HIF1A: variants seen among roughly 807,000 people sequenced by gnomAD.
The protein encoded by HIF1A is hypoxia inducible factor 1 subunit alpha.
In HIF1A, 24 loss-of-function variants were observed where a neutral mutation model predicts 92.7. The ratio of observed to expected loss-of-function variants is 0.26; its 90% CI spans 0.19 to 0.36. HIF1A has a LOEUF of 0.36. Ranked by LOEUF, HIF1A falls within the 10% of genes least tolerant of loss-of-function variation. The probability of loss-of-function intolerance (pLI) is 1.00; values close to 1 mark genes in which losing one functional copy is unlikely to be tolerated. For missense variants in HIF1A, 799 were observed against 998.5 expected (o/e 0.80, Z 2.69); for synonymous variants, 319 against 338.7 (o/e 0.94, Z 0.64).
intron 1 of HIF1A, chr14:61,715,795 T>A (rs1594866173): frequency 3.9e-5 from 6 of 152,072 alleles, no homozygotes; most frequent in Admixed American, 3.9e-4. Flanking sequence ...AGCCCAGGAG[T>A]TCAGGACCAG....
chr14:61,743,067 T>C (rs2044733515), intron 12 of HIF1A, among the ~76,000 whole-genome samples: 4 of 152,088 alleles, frequency 2.6e-5, no homozygotes, highest in Admixed American at 2.6e-4. Context: ...CAAGTCACTT[T>C]AGCAATTTAT....
At chr14:61,740,421 C>T in intron 10 of HIF1A, 84 bp from the exon 11 acceptor site, 1 of 1,023,798 alleles carries the variant, frequency 9.8e-7, no homozygotes, top group South Asian at 1.8e-5. Context: ...TCTGGTTTTT[C>T]TGAGATCTAG....
At position 61,736,930 on chromosome 14, in the gene HIF1A, C is replaced by A; in HGVS notation, c.1070C>A (p.Thr357Lys). ...GACTTGATTTTCTCCCTTCAACAAA[C>A]AGAATGTGTCCTTAAACCGGTTGAA... is the stretch of plus-strand genomic sequence containing the variant. ...QHDLIFSLQQ[T>K]ECVLKPVESS... Residue 357 changes from threonine to lysine, a missense_variant, in exon 9 of 15, where the codon ACA (threonine) becomes AAA (lysine). Thr to Lys is a moderately conservative substitution (Grantham distance 78). Transcript: ENST00000337138. 6.2e-7 allele frequency: 1 copy of A among 1,613,952 alleles called. No individual in the cohort carries two copies. Among genetic ancestry groups the A allele is most frequent in the Non-Finnish European group, 8.5e-7 (1 of 1,179,864 alleles).
intron 9 of HIF1A, 57 bp from the exon 10 acceptor site, chr14:61,738,030 T>TA (rs372062450): frequency 0.029 from 35,533 of 1,219,126 alleles, 59 homozygotes; most frequent in African/African-American, 0.062. Context: ...CTGTCTTGGG[T>TA]AAAAAAAAAA....
At chr14:61,709,811 T>C (rs1293362640) in intron 1 of HIF1A, among the ~76,000 whole-genome samples, 3 of 152,214 alleles carry the variant, frequency 2.0e-5, no homozygotes, top group Non-Finnish European at 4.4e-5. Context: ...GTTCAGTCTA[T>C]ACTTTTCTTT....
intron 6 of HIF1A, among the ~76,000 whole-genome samples, chr14:61,729,318 T>C (rs1041538023): frequency 3.3e-5 from 5 of 151,800 alleles, no homozygotes; most frequent in Non-Finnish European, 1.5e-5. Flanking sequence ...AAAAATTAGC[T>C]GGGTATGGGG....
At position 61,698,003 on chromosome 14, in the gene HIF1A, C is replaced by T. The variant is rs776089827; in HGVS notation, c.35+2164C>T. The T allele has an allele frequency of 7.8e-5, 88 of 1,122,970 alleles. No homozygotes were observed. In the Middle Eastern group the frequency reaches 4.9e-3, roughly 62 times the overall value. 69.6% of individuals were successfully genotyped at this position (1,122,970 alleles called of 1,614,324 possible). A position where few individuals can be genotyped will look rare whatever the true frequency, so the allele number is the denominator to read the frequency against. ...TAACGCAGGACATTTCATGTTGTTC[C>T]TAGTTATAGGGGCTGAACTTATTTA... On this transcript the variant is annotated intron_variant, in intron 1 of 14. Coordinates refer to ENST00000337138, the MANE Select transcript of HIF1A (RefSeq NM_001530.4).
At chr14:61,703,287 TATC>T (rs201131250) in intron 1 of HIF1A, among the ~76,000 whole-genome samples, 3,819 of 152,320 alleles carry the variant, frequency 0.025, 65 homozygotes, top group Non-Finnish European at 0.03. Flanking sequence ...TCTTGAACTT[TATC>T]ATCATTAAAG....
At position 61,744,777 on chromosome 14, in the gene HIF1A, G is replaced by GCTCAGAGAAAGA. The variant is rs2044756811; in HGVS notation, c.2166_2167insCTCAGAGAAAGA (p.Met722_Glu723insLeuArgGluArg). On this transcript the variant is annotated inframe_insertion, in exon 13 of 15. Coordinates refer to ENST00000337138, the MANE Select transcript of HIF1A (RefSeq NM_001530.4). The stretch of plus-strand genomic sequence containing the variant: ...AGAATGCTCAGAGAAAGCGAAAAAT[G>GCTCAGAGAAAGA]GAACATGATGGTTCACTTTTTCAAG... The GCTCAGAGAAAGA allele has an allele frequency of 6.3e-7, 1 of 1,593,538 alleles. No homozygotes were observed. Among genetic ancestry groups the GCTCAGAGAAAGA allele is most frequent in the African/African-American group, 1.3e-5 (1 of 74,178 alleles).
At chr14:61,703,815 A>AGCGCTACCATT (rs2044205117) in intron 1 of HIF1A, among the ~76,000 whole-genome samples, 1 of 151,950 alleles carries the variant, frequency 6.6e-6, no homozygotes, top group Non-Finnish European at 1.5e-5. Flanking sequence ...ACTCTTGACC[A>AGCGCTACCATT]GTAATTAATG....
rs749537571 is a variant in HIF1A, at chr14:61,738,231, G to C, written c.1394G>C (p.Ser465Thr). The C allele has an allele frequency of 6.2e-7, 1 of 1,614,002 alleles. No homozygotes were observed. Among genetic ancestry groups the C allele is most frequent in the Non-Finnish European group, 8.5e-7 (1 of 1,180,044 alleles). ...TAETPKPLRSSADPALNQEVA... is the reference protein window; with the variant it reads ...TAETPKPLRSTADPALNQEVA... ...GAAACGCCAAAGCCACTTCGAAGTAGTGCTGACCCTGCACTCAATCAAGAA... is the reference window on the plus strand; with the variant it reads ...GAAACGCCAAAGCCACTTCGAAGTACTGCTGACCCTGCACTCAATCAAGAA... Residue 465 changes from serine (S) to threonine (T), a missense_variant, in exon 10 of 15, where the codon AGT becomes ACT. By Grantham distance (58) the Ser-to-Thr change is moderately conservative. Transcript: ENST00000337138.
Position 61,738,210 on chromosome 14 carries a change from C to T in HIF1A, c.1373C>T (p.Thr458Met), listed in dbSNP as rs2044662966. 24 of 1,613,940 alleles carry T rather than the reference C, an allele frequency of 1.5e-5. No individual in the cohort carries two copies. The highest frequency in any genetic ancestry group is 1.8e-5 in the Non-Finnish European group (21 of 1,180,006). Residue 458 changes from threonine to methionine, a missense_variant, in exon 10 of 15, where the codon ACG becomes ATG. By Grantham distance (81) the Thr-to-Met change is moderately conservative (BLOSUM62 -1). Transcript: ENST00000337138. The part of the protein sequence containing the change: ...LAMSPLPTAE[T>M]PKPLRSSADP... Reference sequence around the variant, plus strand: ...ATGTCTCCATTACCCACCGCTGAAACGCCAAAGCCACTTCGAAGTAGTGCT... The same window carrying T: ...ATGTCTCCATTACCCACCGCTGAAATGCCAAAGCCACTTCGAAGTAGTGCT...
intron 9 of HIF1A, among the ~76,000 whole-genome samples, chr14:61,737,381 G>A (rs2044649946): frequency 6.6e-6 from 1 of 152,012 alleles, no homozygotes; most frequent in South Asian, 2.1e-4. Flanking sequence ...CTCTATTTCT[G>A]TATCCTGCTG....
At chr14:61,697,719 G>T in intron 1 of HIF1A, 1 of 1,290,018 alleles carries the variant, frequency 7.8e-7, no homozygotes, top group Non-Finnish European at 9.9e-7. Flanking sequence ...CTTAATAAGT[G>T]GTGGTTACTC....
intron 6 of HIF1A, among the ~76,000 whole-genome samples, chr14:61,730,121 GT>G (rs1221346772): frequency 3.9e-5 from 6 of 152,088 alleles, no homozygotes; most frequent in Non-Finnish European, 8.8e-5. Context: ...AAGATGAACA[GT>G]TCCTGCCTCA....
chr14:61,707,305 T>A (rs76307494), intron 1 of HIF1A, among the ~76,000 whole-genome samples: 1 of 438 alleles, frequency 2.3e-3, no homozygotes, highest in Non-Finnish European at 0.056. Context: ...GCATTCTGTG[T>A]TTTTTTTTTC....
rs565632163 is a variant in HIF1A at position 61,747,421 on chromosome 14, A to G, written c.*336A>G. ...GAATTATTTTTAAGAAGATGCCAATATAATTTTTGTAAGAAGGCAGTAACC... is the reference window on the plus strand; with the variant it reads ...GAATTATTTTTAAGAAGATGCCAATGTAATTTTTGTAAGAAGGCAGTAACC... On this transcript the variant is annotated 3_prime_UTR_variant, in exon 15 of 15. Coordinates refer to ENST00000337138, the MANE Select transcript of HIF1A (RefSeq NM_001530.4). The G allele has an allele frequency of 6.1e-6, 1 of 164,666 alleles. No homozygotes were observed. The highest frequency in any genetic ancestry group is 1.7e-4 in the East Asian group (1 of 5,890). 10.2% of individuals were successfully genotyped at this position (164,666 alleles called of 1,614,324 possible).
chr14:61,699,410 C>T (rs1330564391), intron 1 of HIF1A, among the ~76,000 whole-genome samples: 4 of 150,580 alleles, frequency 2.7e-5, no homozygotes, highest in Non-Finnish European at 5.9e-5. Context: ...TCTTGTATGT[C>T]AAGAGTGGTG....
chr14:61,704,099 G>C (rs562520442), intron 1 of HIF1A, among the ~76,000 whole-genome samples: 65 of 152,292 alleles, frequency 4.3e-4, no homozygotes, highest in Middle Eastern at 6.8e-3. Context: ...GGATTGTTAT[G>C]AGAATGAAAT....
Sources: allele counts gnomAD v4.1 joint callset (sites outside exome capture counted in the v4.1 genomes callset), GRCh38; gene constraint gnomAD v4.1.1; transcripts MANE v1.5; gene names NCBI Gene and HGNC (gene_info 2026-07-23, HGNC 2026-07-21).